EPHA6: variants seen among roughly 807,000 people sequenced by gnomAD.
EPHA6 encodes the protein EPH receptor A6, also known as ephrin type-A receptor 6.
A neutral mutation model predicts 112.0 loss-of-function variants in EPHA6; 50 were observed. The observed-to-expected ratio is 0.45, with a 90% CI of 0.36 to 0.56. The LOEUF (loss-of-function observed/expected upper bound fraction) is 0.56, where lower values mean the gene tolerates loss of function less well. Ranked by LOEUF, EPHA6 falls within the 20% of genes least tolerant of loss-of-function variation. EPHA6 has a pLI of 0.00. For synonymous variants in EPHA6, 529 were observed against 490.7 expected (o/e 1.08, Z -1.03); for missense variants, 1,280 against 1,417.4 (o/e 0.90, Z 1.56).
intron 3 of EPHA6, among the ~76,000 whole-genome samples, chr3:97,152,682 A>G (rs998641414): frequency 1.3e-5 from 2 of 152,080 alleles, no homozygotes; most frequent in Non-Finnish European, 2.9e-5. Flanking sequence ...GCACAACTAA[A>G]GTATTCTTAA....
intron 2 of EPHA6, among the ~76,000 whole-genome samples, chr3:96,894,543 G>A (rs2038156286): frequency 6.6e-6 from 1 of 152,002 alleles, no homozygotes; most frequent in South Asian, 2.1e-4. Flanking sequence ...TTCAATTCTG[G>A]AAGGATGACT....
At chr3:97,299,739 G>A (rs2081019112) in intron 5 of EPHA6, among the ~76,000 whole-genome samples, 1 of 152,028 alleles carries the variant, frequency 6.6e-6, no homozygotes, top group Non-Finnish European at 1.5e-5. Flanking sequence ...TGTATTTCAG[G>A]GAATTTGTTT....
Position 97,318,962 on chromosome 3 carries a change from A to G in EPHA6, c.1606+74675A>G, listed in dbSNP as rs184203447. On this transcript the variant is annotated intron_variant, in intron 5 of 17. Transcript: ENST00000389672. Reference sequence around the variant, plus strand: ...TTCCAATAGTAGAATTTGTTTCTCAAGAATAATAAATAGAAAAGGGAAGTG... The same window carrying G: ...TTCCAATAGTAGAATTTGTTTCTCAGGAATAATAAATAGAAAAGGGAAGTG... Among the ~76,000 whole-genome samples, 78 of 152,052 alleles carry G rather than the reference A, an allele frequency of 5.1e-4. 2 individuals carry two copies. The highest frequency in any genetic ancestry group is 1.5e-3 in the African/African-American group (64 of 41,438).
chr3:96,952,594 T>C (rs1257152529), intron 2 of EPHA6, among the ~76,000 whole-genome samples: 2 of 152,180 alleles, frequency 1.3e-5, no homozygotes, highest in African/African-American at 2.4e-5. Context: ...AAAATAAAGT[T>C]ATTTTCTTAT....
intron 3 of EPHA6, among the ~76,000 whole-genome samples, chr3:97,071,287 A>G (rs1342853168): frequency 6.6e-6 from 1 of 152,078 alleles, no homozygotes; most frequent in Non-Finnish European, 1.5e-5. Context: ...CCTTCCAACA[A>G]ATAAAGATTA....
At chr3:97,161,473 A>G (rs927479497) in intron 3 of EPHA6, among the ~76,000 whole-genome samples, 5 of 152,098 alleles carry the variant, frequency 3.3e-5, no homozygotes, top group African/African-American at 1.2e-4. Context: ...AGCAATCTGG[A>G]TCTGTTGTAG....
Position 97,539,701 on chromosome 3 carries a change from A to G in EPHA6, c.2386+7158A>G, listed in dbSNP as rs111820554. On this transcript the variant is annotated intron_variant, in intron 11 of 17. Transcript: ENST00000389672. ...TGGCCCAGGCTGATCCTAAATGGGTACAAAAGTAAATAACTGTGATATGAA... is the reference window on the plus strand; with the variant it reads ...TGGCCCAGGCTGATCCTAAATGGGTGCAAAAGTAAATAACTGTGATATGAA... Among the ~76,000 whole-genome samples the G allele has an allele frequency of 5.1e-3, 773 of 152,314 alleles. 9 individuals carry two copies. Among genetic ancestry groups the G allele is most frequent in the African/African-American group, 0.018 (740 of 41,570 alleles).
In EPHA6 at chr3:96,976,297, A is replaced by T. The variant is rs564772024; in HGVS notation, c.451-11033A>T. Among the ~76,000 whole-genome samples the T allele has an allele frequency of 2.6e-5, 4 of 152,258 alleles. No individual in the cohort carries two copies. The East Asian group carries it at 7.7e-4, about 29-fold the overall frequency. The stretch of plus-strand genomic sequence containing the variant: ...ATTCTTTATTGTTCAAGTCCAGTGC[A>T]TGCTTCTTGTCTGAGCCTTCCAAAC... On this transcript the variant is annotated intron_variant, in intron 2 of 17. Coordinates refer to ENST00000389672, the MANE Select transcript of EPHA6 (RefSeq NM_001080448.3).
chr3:96,938,026 T>A (rs2040701513), intron 2 of EPHA6, among the ~76,000 whole-genome samples: 1 of 152,184 alleles, frequency 6.6e-6, no homozygotes, highest in African/African-American at 2.4e-5. Flanking sequence ...TAGTATAGTT[T>A]GAAGTCAGGT....
intron 1 of EPHA6, among the ~76,000 whole-genome samples, chr3:96,850,581 T>G (rs2035323325): frequency 6.6e-6 from 1 of 152,152 alleles, no homozygotes; most frequent in Admixed American, 6.6e-5. Context: ...TTTGACCATC[T>G]TCCAGTTCAC....
At chr3:97,669,387 CT>C in intron 14 of EPHA6, among the ~76,000 whole-genome samples, 1 of 151,600 alleles carries the variant, frequency 6.6e-6, no homozygotes, top group South Asian at 2.1e-4. Flanking sequence ...AGGAAATAAG[CT>C]TTTTTGTCAT....
At chr3:97,219,918 T>G (rs1424779020) in intron 3 of EPHA6, among the ~76,000 whole-genome samples, 4 of 152,350 alleles carry the variant, frequency 2.6e-5, no homozygotes, top group East Asian at 1.9e-4. Flanking sequence ...TGTATAAAAC[T>G]GAATGCTTTT....
chr3:97,178,237 G>T (rs2076891427), intron 3 of EPHA6, among the ~76,000 whole-genome samples: 1 of 151,944 alleles, frequency 6.6e-6, no homozygotes, highest in South Asian at 2.1e-4. Context: ...AAAATTCTAT[G>T]CCTTAACTTT....
chr3:97,497,826 G>A (rs2092019108), intron 10 of EPHA6, among the ~76,000 whole-genome samples: 1 of 151,982 alleles, frequency 6.6e-6, no homozygotes, highest in Non-Finnish European at 1.5e-5. Context: ...AAAAAAGCAG[G>A]CAAGTCTAAT....
chr3:97,336,642 T>C (rs1382719335), intron 5 of EPHA6, among the ~76,000 whole-genome samples: 1 of 152,164 alleles, frequency 6.6e-6, no homozygotes, highest in Non-Finnish European at 1.5e-5. Context: ...CTGTTATTTC[T>C]TCTACTGTTC....
chr3:97,106,334 C>T (rs1260006937), intron 3 of EPHA6, among the ~76,000 whole-genome samples: 5 of 151,838 alleles, frequency 3.3e-5, no homozygotes, highest in Non-Finnish European at 7.4e-5. Flanking sequence ...TCTATGGTTT[C>T]CAAACCCTCA....
At chr3:96,889,447 G>A (rs754754215) in intron 2 of EPHA6, among the ~76,000 whole-genome samples, 11 of 152,112 alleles carry the variant, frequency 7.2e-5, no homozygotes, top group Non-Finnish European at 1.5e-4. Context: ...CAGTCAGGGC[G>A]GAACGTGAAA....
chr3:97,551,165 A>T (rs1358665741), intron 11 of EPHA6, among the ~76,000 whole-genome samples: 1 of 152,174 alleles, frequency 6.6e-6, no homozygotes, highest in East Asian at 1.9e-4. Context: ...ATAGACCAGA[A>T]TCAACTTGAA....
chr3:96,929,042 C>A (rs1486782675), intron 2 of EPHA6, among the ~76,000 whole-genome samples: 1 of 152,112 alleles, frequency 6.6e-6, no homozygotes, highest in Non-Finnish European at 1.5e-5. Flanking sequence ...TTGAAGACAA[C>A]ATATCAATGG....
Sources: allele counts gnomAD v4.1 joint callset (sites outside exome capture counted in the v4.1 genomes callset), GRCh38; gene constraint gnomAD v4.1.1; transcripts MANE v1.5; gene names NCBI Gene and HGNC (gene_info 2026-07-23, HGNC 2026-07-21).